Variants in AGAP1 observed in about 807,000 individuals in gnomAD.
AGAP1 encodes arf-GAP with GTPase, ANK repeat and PH domain-containing protein 1.
In AGAP1, 29 loss-of-function variants were observed where a neutral mutation model predicts 105.3. The observed-to-expected ratio is 0.28, with a 90% CI of 0.21 to 0.38. The LOEUF is 0.38. AGAP1 is among the 10% of genes least tolerant of loss of function. AGAP1 has a pLI of 1.00. For missense variants in AGAP1, 998 were observed against 1,165.1 expected, an observed-to-expected ratio of 0.86 and a Z score of 2.09; for synonymous variants, 509 against 485.9, an observed-to-expected ratio of 1.05 and a Z score of -0.63.
rs1174100014 is a variant in AGAP1, at chr2:236,127,686, T to G, written c.*3564T>G. 6.6e-6 allele frequency: 1 copy of G among 152,108 alleles called. No homozygotes were observed. The highest frequency in any genetic ancestry group is 6.6e-5 in the Admixed American group (1 of 15,264). 9.4% of individuals were successfully genotyped at this position (152,108 alleles called of 1,614,324 possible). A position where few individuals can be genotyped will look rare whatever the true frequency, so the allele number is the denominator to read the frequency against. ...CCAGTCTTCCTATTTTTGTGACATC[T>G]GCACATTTGGGGTCATTCCCTATAT... On this transcript the variant is annotated 3_prime_UTR_variant, in exon 18 of 18. Coordinates refer to ENST00000304032, the MANE Select transcript of AGAP1 (RefSeq NM_001037131.3). The surrounding 1 kb of genome is among the most constrained non-coding windows in gnomAD (Gnocchi z 6.6).
intron 1 of AGAP1, among the ~76,000 whole-genome samples, chr2:235,516,190 G>T (rs1023492956): frequency 6.6e-6 from 1 of 152,002 alleles, no homozygotes; most frequent in South Asian, 2.1e-4. Flanking sequence ...CTCTGGGCAC[G>T]TGGCTCCTCT....
intron 1 of AGAP1, among the ~76,000 whole-genome samples, chr2:235,502,897 A>G (rs1052874050): frequency 1.3e-5 from 2 of 151,990 alleles, no homozygotes; most frequent in African/African-American, 2.4e-5. Flanking sequence ...TCTCACTCAG[A>G]TAATAGTCTG....
chr2:235,786,815 G>A (rs531811986), intron 6 of AGAP1, among the ~76,000 whole-genome samples: 9 of 152,284 alleles, frequency 5.9e-5, no homozygotes, highest in Non-Finnish European at 1.2e-4. Flanking sequence ...ATAAGGTCCT[G>A]AAGAATAAGT....
intron 13 of AGAP1, among the ~76,000 whole-genome samples, chr2:235,984,494 A>G (rs1355388047): frequency 6.9e-5 from 2 of 28,858 alleles, no homozygotes; most frequent in Non-Finnish European, 1.6e-4. Flanking sequence ...TTTATTTCTT[A>G]AAAAAAAAAA....
At position 236,124,178 on chromosome 2, in the gene AGAP1, T is replaced by G; in HGVS notation, c.*56T>G. The G allele has an allele frequency of 6.3e-7, 1 of 1,583,646 alleles. No individual in the cohort carries two copies. Among genetic ancestry groups the G allele is most frequent in the Non-Finnish European group, 8.6e-7 (1 of 1,159,440 alleles). ...CTGGGACGCGGCAGCCTCGCCGCATTCTCGCTCAGAAGTCGCAGCACGTGA... is the reference window on the plus strand; with the variant it reads ...CTGGGACGCGGCAGCCTCGCCGCATGCTCGCTCAGAAGTCGCAGCACGTGA... On this transcript the variant is annotated 3_prime_UTR_variant, in exon 18 of 18. Transcript: ENST00000304032. The surrounding 1 kb of genome is among the most constrained non-coding windows in gnomAD (Gnocchi z 5.1).
At chr2:235,697,785 A>G (rs1950064109) in intron 1 of AGAP1, among the ~76,000 whole-genome samples, 2 of 152,178 alleles carry the variant, frequency 1.3e-5, no homozygotes, top group Admixed American at 1.3e-4. Flanking sequence ...TGGAATGAAA[A>G]CTGTCAGGCC....
chr2:235,618,352 C>G (rs896642158), intron 1 of AGAP1, among the ~76,000 whole-genome samples: 2 of 152,126 alleles, frequency 1.3e-5, no homozygotes, highest in Non-Finnish European at 2.9e-5. Context: ...TCATCCTACT[C>G]TACAGAGTGA....
chr2:235,867,887 A>C lies in AGAP1; in HGVS notation c.1051-15458A>C, dbSNP rs2049258463. 6.6e-6 allele frequency among the ~76,000 whole-genome samples: 1 copy of C among 152,082 alleles called. No homozygotes were observed. The highest frequency in any genetic ancestry group is 2.4e-5 in the African/African-American group (1 of 41,404). ...CATTCCATCCACCCACCACCCACCCAGATGCGCTTCTCTAGTTTTATTGAG... is the reference window on the plus strand; with the variant it reads ...CATTCCATCCACCCACCACCCACCCCGATGCGCTTCTCTAGTTTTATTGAG... On this transcript the variant is annotated intron_variant, in intron 9 of 17. Transcript: ENST00000304032. The surrounding 1 kb of genome is among the most constrained non-coding windows in gnomAD (Gnocchi z 5.4).
intron 10 of AGAP1, among the ~76,000 whole-genome samples, chr2:235,898,293 T>A: frequency 6.6e-6 from 1 of 152,176 alleles, no homozygotes; most frequent in East Asian, 1.9e-4. Context: ...CTTTTGTTTT[T>A]CCCCCTTCTT....
chr2:236,037,759 C>CT (rs926521060), intron 14 of AGAP1, among the ~76,000 whole-genome samples: 1 of 152,134 alleles, frequency 6.6e-6, no homozygotes, highest in African/African-American at 2.4e-5. Context: ...TACAAAAGTC[C>CT]TTTTTCCCAT....
At chr2:235,548,718 C>T (rs1310164948) in intron 1 of AGAP1, among the ~76,000 whole-genome samples, 4 of 151,470 alleles carry the variant, frequency 2.6e-5, no homozygotes, top group African/African-American at 9.7e-5. Context: ...AATTCAAAAA[C>T]CCCAAAGCAC....
intron 1 of AGAP1, among the ~76,000 whole-genome samples, chr2:235,677,691 T>C (rs1948816887): frequency 6.6e-6 from 1 of 151,808 alleles, no homozygotes; most frequent in African/African-American, 2.4e-5. Flanking sequence ...TTGCTCTCTG[T>C]GCCTGTCATT....
At chr2:235,709,156 C>G (rs775000090) in intron 1 of AGAP1, 23 bp from the exon 2 acceptor site, 21 of 1,613,692 alleles carry the variant, frequency 1.3e-5, no homozygotes, top group Non-Finnish European at 1.8e-5. Context: ...TGGTGTCTGA[C>G]TTTGTGTCCT....
chr2:235,527,665 G>A (rs181230562), intron 1 of AGAP1, among the ~76,000 whole-genome samples: 51 of 152,266 alleles, frequency 3.3e-4, no homozygotes, highest in South Asian at 4.1e-4. Context: ...TGGAATTACC[G>A]TAGTGAGCTG....
chr2:235,759,051 C>T (rs1321744781), intron 6 of AGAP1, among the ~76,000 whole-genome samples: 2 of 152,188 alleles, frequency 1.3e-5, no homozygotes, highest in Non-Finnish European at 2.9e-5. Flanking sequence ...GCCTCAGCCT[C>T]CCAAAGTGCT....
At chr2:235,804,702 C>G (rs1003810143) in intron 8 of AGAP1, among the ~76,000 whole-genome samples, 1 of 152,206 alleles carries the variant, frequency 6.6e-6, no homozygotes, top group Admixed American at 6.5e-5. Flanking sequence ...ATTACCTTAA[C>G]CTTTCTTTCC....
rs538172724 is a variant in AGAP1, at chr2:236,027,506, C to T, written c.1646-9055C>T. Among the ~76,000 whole-genome samples the T allele has an allele frequency of 3.0e-4, 46 of 152,258 alleles. No individual in the cohort carries two copies. Among genetic ancestry groups the T allele is most frequent in the African/African-American group, 1.0e-3 (43 of 41,570 alleles). The stretch of plus-strand genomic sequence containing the variant: ...GCTGAGCATGTAGGGTTCCATCTCC[C>T]GCCTCTGCCCTGCCTCCCCCAGGGC... On this transcript the variant is annotated intron_variant, in intron 13 of 17. Coordinates refer to ENST00000304032, the MANE Select transcript of AGAP1 (RefSeq NM_001037131.3). The surrounding 1 kb of genome is among the most constrained non-coding windows in gnomAD (Gnocchi z 4.4).
intron 1 of AGAP1, among the ~76,000 whole-genome samples, chr2:235,514,251 TCCCAAA>T (rs1330383405): frequency 2.6e-5 from 4 of 152,184 alleles, no homozygotes; most frequent in Non-Finnish European, 5.9e-5. Context: ...CATAAATAGA[TCCCAAA>T]ATATAAATTT....
rs986082241 is a variant in AGAP1 at position 235,983,875 on chromosome 2, A to G, written c.1645+15252A>G. 1.3e-5 allele frequency among the ~76,000 whole-genome samples: 2 copies of G among 152,234 alleles called. No individual in the cohort carries two copies. Among genetic ancestry groups the G allele is most frequent in the African/African-American group, 4.8e-5 (2 of 41,468 alleles). On this transcript the variant is annotated intron_variant, in intron 13 of 17. Transcript: ENST00000304032. The surrounding 1 kb of genome is among the most constrained non-coding windows in gnomAD (Gnocchi z 4.5). Reference sequence around the variant, plus strand: ...AACGACACATTTCTCAGAATGCATCACTTAACGATGGGGATACATGGCTGT... The same window carrying G: ...AACGACACATTTCTCAGAATGCATCGCTTAACGATGGGGATACATGGCTGT...
Sources: allele counts gnomAD v4.1 joint callset (sites outside exome capture counted in the v4.1 genomes callset), GRCh38; gene constraint gnomAD v4.1.1; non-coding constraint Gnocchi (gnomAD v3.1); transcripts MANE v1.5; gene names NCBI Gene and HGNC (gene_info 2026-07-23, HGNC 2026-07-21).